Variants in GAREM2 observed in about 807,000 individuals in gnomAD.
The protein encoded by GAREM2 is GRB2 associated regulator of MAPK1 subtype 2, also known as GRB2-associated and regulator of MAPK protein 2.
Under a neutral mutation model 55.6 loss-of-function variants are expected in GAREM2, and 30 were observed. That is an observed-to-expected ratio of 0.54 (90% CI 0.40 to 0.73). The LOEUF is 0.73. Among genes scored for constraint, GAREM2 ranks in the 30% least tolerant of loss-of-function variants. The probability of loss-of-function intolerance (pLI) is 0.00; values close to 1 mark genes in which losing one functional copy is unlikely to be tolerated. For synonymous variants in GAREM2, 550 were observed against 569.1 expected, an observed-to-expected ratio of 0.97 and a Z score of 0.48; for missense variants, 1,075 against 1,257.7, an observed-to-expected ratio of 0.85 and a Z score of 2.20.
In GAREM2 at chr2:26,184,634, G is replaced by A. The variant is rs1349868488; in HGVS notation, c.786G>A (p.Arg262=). 2 of 1,547,168 alleles carry A rather than the reference G, an allele frequency of 1.3e-6. No individual in the cohort carries two copies. Among genetic ancestry groups the A allele is most frequent in the African/African-American group, 2.8e-5 (2 of 72,712 alleles). ...TGCGCGCCATCATCGAGCGCGTGAG[G>A]CTGCCGGTGAACGTGCTGGTGCCCA... ...HTVRAIIERV[R]LPVNVLVPSR... The change falls in exon 4 of 6, where the codon AGG becomes AGA. Residue 262 remains arginine (R), a synonymous_variant. Coordinates refer to ENST00000401533, the MANE Select transcript of GAREM2 (RefSeq NM_001168241.2).
At chr2:26,196,321 T>C in the GAREM2 span, among the ~76,000 whole-genome samples, 82 of 152,322 alleles carry the variant, frequency 5.4e-4, no homozygotes, top group African/African-American at 1.9e-3. Flanking sequence ...CCTAAAGTGT[T>C]CTTTTACTTA....
rs1205328467 is a variant in GAREM2, at chr2:26,184,577, G to A, written c.729G>A (p.Leu243=). 5.2e-6 allele frequency: 8 copies of A among 1,548,104 alleles called. No individual in the cohort carries two copies. Among genetic ancestry groups the A allele is most frequent in the South Asian group, 2.4e-5 (2 of 83,890 alleles). The part of the protein sequence containing the change: ...CQGRFSTRSP[L]ELQMQEGEHT... ...GCCGCTTCAGCACTCGCAGCCCGCT[G>A]GAGCTGCAGATGCAAGAGGGCGAGC... Residue 243 remains leucine, a synonymous_variant, in exon 4 of 6, where the codon CTG becomes CTA. Coordinates refer to ENST00000401533, the MANE Select transcript of GAREM2 (RefSeq NM_001168241.2).
the GAREM2 span, chr2:26,203,918 A>G: frequency 1.7e-5 from 14 of 834,390 alleles, no homozygotes; most frequent in East Asian, 7.3e-5. Context: ...ACTACGGAGT[A>G]TCTAGAACTC....
At chr2:26,201,697 A>C in the GAREM2 span, among the ~76,000 whole-genome samples, 1 of 152,258 alleles carries the variant, frequency 6.6e-6, no homozygotes, top group Admixed American at 6.5e-5. Flanking sequence ...TCTACCTATG[A>C]CAGGGGAAGC....
rs541737293 is a variant in GAREM2, at chr2:26,176,265, C to A, written c.113-79C>A. 5.6e-5 allele frequency: 76 copies of A among 1,368,396 alleles called. No individual in the cohort carries two copies. The South Asian group carries it at 9.4e-4, about 17-fold the overall frequency. The allele number at this position is 1,368,396 out of a possible 1,614,324, so 84.8% of individuals were successfully genotyped here. On this transcript the variant is annotated intron_variant, in intron 1 of 5. Coordinates refer to ENST00000401533, the MANE Select transcript of GAREM2 (RefSeq NM_001168241.2). Reference sequence around the variant, plus strand: ...CTCAGGGGGGCGGTCTTGGTGAGGACGTCACTATCTGTTCTTTCTGCCCCT... The same window carrying A: ...CTCAGGGGGGCGGTCTTGGTGAGGAAGTCACTATCTGTTCTTTCTGCCCCT...
At chr2:26,192,504 T>G, downstream of GAREM2, 5 of 822,296 alleles carry the variant, frequency 6.1e-6, no homozygotes, top group Non-Finnish European at 1.1e-5. Flanking sequence ...AACCCTGGCC[T>G]GGCCAGGCGT....
chr2:26,194,079 T>C (rs1167496638), downstream of GAREM2, among the ~76,000 whole-genome samples: 2 of 152,094 alleles, frequency 1.3e-5, no homozygotes, highest in African/African-American at 4.8e-5. Context: ...GACGGCTGAG[T>C]GTGTCATGAC....
rs199966839 is a variant in GAREM2 at position 26,183,002 on chromosome 2, C to G, written c.289C>G (p.Arg97Gly). 8.4e-4 allele frequency: 1,308 copies of G among 1,551,558 alleles called. 2 individuals are homozygous for G. Among genetic ancestry groups the G allele is most frequent in the Middle Eastern group, 4.8e-3 (29 of 6,014 alleles). ...GCTCCTGGAACAGGCCCGGGATGTG[C>G]GGGAGCCAGTGAGGTACTTCAGCAG... Reference protein sequence around the residue: ...FKLLEQARDVREPVRYFSSVE... With the variant: ...FKLLEQARDVGEPVRYFSSVE... Residue 97 changes from arginine to glycine, a missense_variant, in exon 3 of 6, where the codon CGG becomes GGG. By Grantham distance (125) the Arg-to-Gly change is moderately radical (BLOSUM62 -2). Coordinates refer to ENST00000401533, the MANE Select transcript of GAREM2 (RefSeq NM_001168241.2).
chr2:26,183,714 C>T (rs1248195946), intron 3 of GAREM2, among the ~76,000 whole-genome samples: 1 of 117,972 alleles, frequency 8.5e-6, no homozygotes, highest in Non-Finnish European at 1.8e-5. Context: ...AGAGCAAGAC[C>T]CTGTCTCAAA....
downstream of GAREM2, chr2:26,193,754 T>G (rs1669581169): frequency 6.2e-7 from 1 of 1,614,140 alleles, no homozygotes; most frequent in Non-Finnish European, 8.5e-7. Flanking sequence ...GAATCCAGCT[T>G]CTTCGGGTCA....
the GAREM2 span, chr2:26,201,308 T>C: frequency 6.2e-7 from 1 of 1,608,442 alleles, no homozygotes; most frequent in Non-Finnish European, 8.5e-7. Flanking sequence ...TCTTCTTCAC[T>C]TTGTCATTCA....
chr2:26,188,429 AGACCCCTGCACGG>A lies in GAREM2; in HGVS notation c.*176_*188del. On this transcript the variant is annotated 3_prime_UTR_variant, in exon 6 of 6. Transcript: ENST00000401533. Reference sequence around the variant, plus strand: ...TGTGGAAATGTGGTCCTCTGGGGTCAGACCCCTGCACGGGACATCTTGCCTTTGAGTGTGCAGA... The same window carrying A: ...TGTGGAAATGTGGTCCTCTGGGGTCAGACATCTTGCCTTTGAGTGTGCAGA... 3 of 503,648 alleles carry A rather than the reference AGACCCCTGCACGG, an allele frequency of 6.0e-6. No individual in the cohort carries two copies. The allele number at this position is 503,648 out of a possible 1,614,324, so 31.2% of individuals were successfully genotyped here.
rs984724478 is a variant in GAREM2 at position 26,187,829 on chromosome 2, C to T, written c.2197C>T (p.Arg733Cys). Residue 733 changes from arginine to cysteine, a missense_variant, in exon 6 of 6, where the codon CGC (arginine) becomes TGC (cysteine). Transcript: ENST00000401533. ...RAVGTPGPGP[R>C]LSPLGPSKAF... ...AGTGGGGACACCTGGGCCTGGACCC[C>T]GCCTTTCACCACTTGGCCCCTCCAA... 36 of 1,439,116 alleles carry T rather than the reference C, an allele frequency of 2.5e-5. No homozygotes were observed. The East Asian group carries it at 4.1e-4, about 16-fold the overall frequency. The allele number at this position is 1,439,116 out of a possible 1,614,324, so 89.1% of individuals were successfully genotyped here. A position where few individuals can be genotyped will look rare whatever the true frequency, so the allele number is the denominator to read the frequency against.
At chr2:26,194,511 G>A, downstream of GAREM2, 1 of 1,030,618 alleles carries the variant, frequency 9.7e-7, no homozygotes, top group East Asian at 2.4e-5. Flanking sequence ...GACATCATGA[G>A]TTTTAGAGTG....
the GAREM2 span, chr2:26,197,771 G>C: frequency 3.4e-6 from 5 of 1,483,160 alleles, no homozygotes; most frequent in South Asian, 5.6e-5. Flanking sequence ...CAGTGATCTG[G>C]AATCACCTGC....
At chr2:26,200,821 C>T in the GAREM2 span, among the ~76,000 whole-genome samples, 1 of 151,728 alleles carries the variant, frequency 6.6e-6, no homozygotes, top group African/African-American at 2.4e-5. Flanking sequence ...CAACCTCTGC[C>T]TCCCAGGTTC....
intron 2 of GAREM2, chr2:26,180,724 C>G (rs1487973567): frequency 1.2e-5 from 2 of 162,388 alleles, no homozygotes; most frequent in Non-Finnish European, 2.6e-5. Flanking sequence ...TCAAGCGATT[C>G]CCCTGCCTCA....
chr2:26,195,459 A>G, the GAREM2 span, among the ~76,000 whole-genome samples: 2 of 152,076 alleles, frequency 1.3e-5, no homozygotes, highest in Non-Finnish European at 2.9e-5. Flanking sequence ...GTTTTTCACT[A>G]CAGACATCTG....
Position 26,188,319 on chromosome 2 carries a change from G to C in GAREM2, c.*62G>C. ...ATGGGGGCCCCAGGTACAGCACTCC[G>C]GAGGAGCAGGTGCTGCCTGCAAGAA... On this transcript the variant is annotated 3_prime_UTR_variant, in exon 6 of 6. Transcript: ENST00000401533. The C allele has an allele frequency of 7.9e-7, 1 of 1,264,194 alleles. No homozygotes were observed. The highest frequency in any genetic ancestry group is 1.7e-5 in the South Asian group (1 of 57,732). 78.3% of individuals were successfully genotyped at this position (1,264,194 alleles called of 1,614,324 possible).
Sources: gnomAD v4.1 joint callset for allele counts (sites outside exome capture counted in the v4.1 genomes callset) on GRCh38, gnomAD v4.1.1 for gene constraint, MANE v1.5 for transcripts, NCBI Gene and HGNC (gene_info 2026-07-23, HGNC 2026-07-21) for gene names.